Variants in RPL15 observed in about 807,000 individuals in gnomAD.
RPL15 encodes large ribosomal subunit protein eL15.
For missense variants in RPL15, 161 were observed against 271.8 expected (o/e 0.59, Z 2.87); for synonymous variants, 97 against 95.1 (o/e 1.02, Z -0.12).
intron 2 of RPL15, 75 bp from the exon 3 acceptor site, chr3:23,918,365 T>A: frequency 6.6e-7 from 1 of 1,504,856 alleles, no homozygotes; most frequent in Non-Finnish European, 9.0e-7. Context: ...TGGTGGAGTA[T>A]TAGTGACAAG....
In RPL15 at chr3:23,919,590, T is replaced by C; in HGVS notation, c.*89T>C. 1 of 1,425,334 alleles carries C rather than the reference T, an allele frequency of 7.0e-7. No homozygotes were observed. Among genetic ancestry groups the C allele is most frequent in the Non-Finnish European group, 9.1e-7 (1 of 1,093,816 alleles). The allele number at this position is 1,425,334 out of a possible 1,614,324, so 88.3% of individuals were successfully genotyped here. A position where few individuals can be genotyped will look rare whatever the true frequency, so the allele number is the denominator to read the frequency against. On this transcript the variant is annotated 3_prime_UTR_variant, in exon 4 of 4. Coordinates refer to ENST00000307839, the MANE Select transcript of RPL15 (RefSeq NM_002948.5). ...GGTGTTATTTGTCTGTTAAAACTAG[T>C]CTGCAGATGTTTCTTGAATGCTTTG...
At position 23,919,213 on chromosome 3, in the gene RPL15, C is replaced by T; in HGVS notation, c.327C>T (p.His109=). The T allele has an allele frequency of 6.2e-7, 1 of 1,613,830 alleles. No individual in the cohort carries two copies. Among genetic ancestry groups the T allele is most frequent in the Non-Finnish European group, 8.5e-7 (1 of 1,179,772 alleles). The part of the protein sequence containing the change: ...QSVAEERAGR[H]CGALRVLNSY... The stretch of plus-strand genomic sequence containing the variant: ...TATTCTAGGAGCGAGCTGGACGCCA[C>T]TGTGGGGCTCTGAGAGTCCTGAATT... The change falls in exon 4 of 4, where the codon CAC becomes CAT. Residue 109 remains histidine (H), a synonymous_variant. Transcript: ENST00000307839.
At chr3:23,918,650 C>T in intron 3 of RPL15, 74 bp downstream of exon 3, 1 of 1,529,660 alleles carries the variant, frequency 6.5e-7, no homozygotes, top group Non-Finnish European at 8.9e-7. Context: ...AGCAACTTTT[C>T]TGATTGTACT....
chr3:23,921,926 C>T (rs575916604), downstream of RPL15: 45 of 305,468 alleles, frequency 1.5e-4, no homozygotes, highest in Non-Finnish European at 2.5e-4. Context: ...CCAGGTTGGT[C>T]TCAAACTACT....
chr3:23,920,492 T>C lies in RPL15; in HGVS notation c.*991T>C. 3.0e-6 allele frequency: 3 copies of C among 985,026 alleles called. No homozygotes were observed. Among genetic ancestry groups the C allele is most frequent in the Non-Finnish European group, 3.6e-6 (3 of 829,578 alleles). The allele number at this position is 985,026 out of a possible 1,614,324, so 61.0% of individuals were successfully genotyped here. ...CCATCACTTGTGCACCCACTTTGAC[T>C]ATGAGTATACCACCACATTGCATTT... On this transcript the variant is annotated 3_prime_UTR_variant, in exon 4 of 4. Transcript: ENST00000307839.
Position 23,920,227 on chromosome 3 carries a change from T to C in RPL15, c.*726T>C. On this transcript the variant is annotated 3_prime_UTR_variant, in exon 4 of 4. Coordinates refer to ENST00000307839, the MANE Select transcript of RPL15 (RefSeq NM_002948.5). ...TCAACCCTAAAATACTTAACCGTAA[T>C]GCTAATTGTGATCATTATGAATCCC... 5 of 985,848 alleles carry C rather than the reference T, an allele frequency of 5.1e-6. No individual in the cohort carries two copies. Among genetic ancestry groups the C allele is most frequent in the Non-Finnish European group, 6.0e-6 (5 of 829,928 alleles). The allele number at this position is 985,848 out of a possible 1,614,324, so 61.1% of individuals were successfully genotyped here.
chr3:23,923,460 C>T (rs9834166), downstream of RPL15: 28,617 of 152,032 alleles, frequency 0.19, 2,691 homozygotes, highest in Non-Finnish European at 0.21. Context: ...CTCAGGTGAT[C>T]CGCCCATCTC....
chr3:23,916,715 C>CAGCGT (rs3084706), upstream of RPL15: 2 of 146,806 alleles, frequency 1.4e-5, no homozygotes, highest in Admixed American at 6.9e-5. Flanking sequence ...CAGAGAGGGA[C>CAGCGT]AGCGCAGCGC....
chr3:23,918,631 G>T, intron 3 of RPL15, 55 bp downstream of exon 3: 1 of 1,575,650 alleles, frequency 6.3e-7, no homozygotes, highest in South Asian at 1.1e-5. Flanking sequence ...TGGTGGGAGA[G>T]AGAGATTAAG....
At position 23,920,642 on chromosome 3, in the gene RPL15, C is replaced by T; in HGVS notation, c.*1141C>T. ...TGACTTTGCTGACTTAATTTAAATG[C>T]TCGTTCTGAACCAATTTTCTCCTAT... On this transcript the variant is annotated 3_prime_UTR_variant, in exon 4 of 4. Transcript: ENST00000307839. 1.0e-6 allele frequency: 1 copy of T among 984,910 alleles called. No individual in the cohort carries two copies. Among genetic ancestry groups the T allele is most frequent in the Non-Finnish European group, 1.2e-6 (1 of 829,512 alleles). The allele number at this position is 984,910 out of a possible 1,614,324, so 61.0% of individuals were successfully genotyped here. A position where few individuals can be genotyped will look rare whatever the true frequency, so the allele number is the denominator to read the frequency against.
At chr3:23,924,489 C>T (rs1352437729), downstream of RPL15, 2 of 152,248 alleles carry the variant, frequency 1.3e-5, no homozygotes, top group African/African-American at 4.8e-5. Context: ...ACTGCAACCT[C>T]CACCTTCTGG....
chr3:23,918,115 T>C, intron 2 of RPL15, 84 bp downstream of exon 2: 2 of 1,469,810 alleles, frequency 1.4e-6, no homozygotes, highest in African/African-American at 1.4e-5. Flanking sequence ...CACTGCTGCC[T>C]CAGTGTCTTT....
downstream of RPL15, chr3:23,924,348 A>G (rs1705172129): frequency 2.0e-5 from 3 of 152,174 alleles, no homozygotes; most frequent in South Asian, 6.2e-4. Flanking sequence ...GTACCATGCT[A>G]TATTAATAAA....
At chr3:23,921,525 A>C (rs1705079125), downstream of RPL15, 1 of 660,228 alleles carries the variant, frequency 1.5e-6, no homozygotes, top group African/African-American at 2.0e-5. Context: ...TTGCTTTACT[A>C]TTTCTATATT....
At chr3:23,917,589 C>T (rs1704702537) in intron 1 of RPL15, 2 of 354,056 alleles carry the variant, frequency 5.6e-6, no homozygotes, top group South Asian at 1.0e-4. Context: ...CACCCGCCCC[C>T]TTGGTGCTCA....
At chr3:23,921,688 C>T (rs1336887732), downstream of RPL15, 1 of 665,616 alleles carries the variant, frequency 1.5e-6, no homozygotes. Context: ...AATTCTTCTG[C>T]CTCGGCCTCC....
downstream of RPL15, chr3:23,923,998 A>G (rs982894719): frequency 1.3e-5 from 2 of 152,202 alleles, no homozygotes; most frequent in Admixed American, 1.3e-4. Flanking sequence ...CCTCTCATGC[A>G]TTTAGGTTGG....
At position 23,920,181 on chromosome 3, in the gene RPL15, T is replaced by C; in HGVS notation, c.*680T>C. On this transcript the variant is annotated 3_prime_UTR_variant, in exon 4 of 4. Coordinates refer to ENST00000307839, the MANE Select transcript of RPL15 (RefSeq NM_002948.5). ...AGCCAGTGGCCATTAGATAAATACCTTTCAAGTGTGAGCTTAGACGTCAAC... is the reference window on the plus strand; with the variant it reads ...AGCCAGTGGCCATTAGATAAATACCCTTCAAGTGTGAGCTTAGACGTCAAC... 2.0e-6 allele frequency: 2 copies of C among 985,536 alleles called. No homozygotes were observed. Among genetic ancestry groups the C allele is most frequent in the Non-Finnish European group, 2.4e-6 (2 of 829,886 alleles). The allele number at this position is 985,536 out of a possible 1,614,324, so 61.0% of individuals were successfully genotyped here. A position where few individuals can be genotyped will look rare whatever the true frequency, so the allele number is the denominator to read the frequency against.
chr3:23,923,983 C>T (rs1432958663), downstream of RPL15: 1 of 152,198 alleles, frequency 6.6e-6, no homozygotes, highest in Non-Finnish European at 1.5e-5. Context: ...ACATTGTTTT[C>T]CTGGCCTCTC....
Sources: gnomAD v4.1 joint callset for allele counts on GRCh38, gnomAD v4.1.1 for gene constraint, MANE v1.5 for transcripts, NCBI Gene and HGNC (gene_info 2026-07-23, HGNC 2026-07-21) for gene names.